KCNIP4: variants seen among roughly 807,000 people sequenced by gnomAD.
KCNIP4 encodes potassium voltage-gated channel interacting protein 4.
Under a neutral mutation model 34.0 loss-of-function variants are expected in KCNIP4, and 12 were observed. The ratio of observed to expected loss-of-function variants is 0.35; its 90% CI spans 0.23 to 0.57. The LOEUF is 0.57. Ranked by LOEUF, KCNIP4 falls within the 20% of genes least tolerant of loss-of-function variation. The probability of loss-of-function intolerance (pLI) is 0.83; values close to 1 mark genes in which losing one functional copy is unlikely to be tolerated. For synonymous variants in KCNIP4, 124 were observed against 102.2 expected (o/e 1.21, Z -1.29); for missense variants, 238 against 311.7 (o/e 0.76, Z 1.78).
At chr4:20,995,872 A>G (rs975401766) in intron 1 of KCNIP4, among the ~76,000 whole-genome samples, 1 of 152,206 alleles carries the variant, frequency 6.6e-6, no homozygotes, top group Non-Finnish European at 1.5e-5. Flanking sequence ...AGCCCAGAAG[A>G]AAAGGGAAGG....
intron 1 of KCNIP4, among the ~76,000 whole-genome samples, chr4:21,240,664 C>T (rs1759741857): frequency 1.3e-5 from 2 of 152,030 alleles, no homozygotes; most frequent in South Asian, 4.1e-4. Context: ...AGAAGGCTTC[C>T]TGGCTTCCAT....
chr4:21,736,487 T>C (rs1254126412), intron 1 of KCNIP4, among the ~76,000 whole-genome samples: 3 of 152,226 alleles, frequency 2.0e-5, no homozygotes, highest in Non-Finnish European at 2.9e-5. Context: ...TTTCCTCAGA[T>C]ATTTGTGTCC....
chr4:21,202,852 C>T (rs1577881495), intron 1 of KCNIP4, among the ~76,000 whole-genome samples: 1 of 152,138 alleles, frequency 6.6e-6, no homozygotes, highest in Non-Finnish European at 1.5e-5. Flanking sequence ...TCTACAAGGG[C>T]TACTAGGCCC....
At chr4:21,696,656 A>C (rs1712348733) in intron 1 of KCNIP4, among the ~76,000 whole-genome samples, 1 of 152,184 alleles carries the variant, frequency 6.6e-6, no homozygotes, top group Admixed American at 6.5e-5. Context: ...TTTCATGAGC[A>C]ACAAAACTGT....
At position 20,729,965 on chromosome 4, in the gene KCNIP4, T is replaced by A; in HGVS notation, c.*117A>T. 8.3e-7 allele frequency: 1 copy of A among 1,207,460 alleles called. No homozygotes were observed. Among genetic ancestry groups the A allele is most frequent in the Non-Finnish European group, 1.1e-6 (1 of 894,420 alleles). The allele number at this position is 1,207,460 out of a possible 1,614,324, so 74.8% of individuals were successfully genotyped here. A position where few individuals can be genotyped will look rare whatever the true frequency, so the allele number is the denominator to read the frequency against. On this transcript the variant is annotated 3_prime_UTR_variant, in exon 9 of 9. Coordinates refer to ENST00000382152, the MANE Select transcript of KCNIP4 (RefSeq NM_025221.6). ...TGCTTTATATTAAAACAAAGCTTGTTTGCATAATATGCTTCAGTGTCAAGC... is the reference window on the plus strand; with the variant it reads ...TGCTTTATATTAAAACAAAGCTTGTATGCATAATATGCTTCAGTGTCAAGC...
intron 1 of KCNIP4, among the ~76,000 whole-genome samples, chr4:21,126,929 CT>C (rs1750668652): frequency 6.6e-6 from 1 of 152,150 alleles, no homozygotes; most frequent in African/African-American, 2.4e-5. Flanking sequence ...GGTATCTAGG[CT>C]TTTACATGGG....
chr4:21,195,993 T>C (rs965446582), intron 1 of KCNIP4, among the ~76,000 whole-genome samples: 1 of 152,246 alleles, frequency 6.6e-6, no homozygotes, highest in African/African-American at 2.4e-5. Flanking sequence ...GCTTCTCTTT[T>C]TGTTTTTCAT....
At chr4:21,018,635 C>T (rs534627584) in intron 1 of KCNIP4, among the ~76,000 whole-genome samples, 5 of 152,208 alleles carry the variant, frequency 3.3e-5, no homozygotes, top group Admixed American at 6.5e-5. Context: ...AGATCACTTC[C>T]ACCAACTTCC....
At chr4:21,127,148 A>G (rs925050695) in intron 1 of KCNIP4, among the ~76,000 whole-genome samples, 24 of 152,270 alleles carry the variant, frequency 1.6e-4, no homozygotes, top group African/African-American at 5.3e-4. Flanking sequence ...ACTCAAGAAG[A>G]TCCCCTCTAA....
chr4:21,333,599 G>A lies in KCNIP4; in HGVS notation c.62-450890C>T, dbSNP rs373339560. Among the ~76,000 whole-genome samples the A allele has an allele frequency of 3.2e-4, 48 of 151,130 alleles. No homozygotes were observed. The East Asian group carries it at 7.0e-3, about 22-fold the overall frequency. ...TAATCCCAGTCTTTTGTATTTTTTC[G>A]TTCTATACTCCCAAAGCCATAATTT... On this transcript the variant is annotated intron_variant, in intron 1 of 8. Transcript: ENST00000382152.
chr4:21,152,053 GA>G (rs1433238903), intron 1 of KCNIP4, among the ~76,000 whole-genome samples: 2 of 152,230 alleles, frequency 1.3e-5, no homozygotes, highest in Admixed American at 1.3e-4. Flanking sequence ...AGCAGTTCGA[GA>G]CCAGCCTGAC....
rs570632436 is a variant in KCNIP4 at position 21,588,188 on chromosome 4, T to A, written c.61+360383A>T. Among the ~76,000 whole-genome samples, 73 of 152,192 alleles carry A rather than the reference T, an allele frequency of 4.8e-4. 2 individuals are homozygous for A. The South Asian group carries it at 0.015, about 31-fold the overall frequency. ...ATAACTACCAACATTATTTTTCTTT[T>A]AAGATATAAAATAAAATAAATCTAT... On this transcript the variant is annotated intron_variant, in intron 1 of 8. Transcript: ENST00000382152.
intron 1 of KCNIP4, among the ~76,000 whole-genome samples, chr4:21,757,392 C>G (rs922022315): frequency 6.6e-6 from 1 of 152,088 alleles, no homozygotes; most frequent in Admixed American, 6.5e-5. Context: ...CGTAAGCTCA[C>G]ATGTGGGTTT....
chr4:21,257,268 A>G (rs984391521), intron 1 of KCNIP4, among the ~76,000 whole-genome samples: 2 of 152,140 alleles, frequency 1.3e-5, no homozygotes, highest in African/African-American at 4.8e-5. Context: ...ACACTTCTAT[A>G]CACATGTCTG....
rs1294454651 is a variant in KCNIP4, at chr4:21,632,320, C to T, written c.61+316251G>A. Among the ~76,000 whole-genome samples, 5 of 152,058 alleles carry T rather than the reference C, an allele frequency of 3.3e-5. No homozygotes were observed. The East Asian group carries it at 9.7e-4, about 29-fold the overall frequency. On this transcript the variant is annotated intron_variant, in intron 1 of 8. Transcript: ENST00000382152. ...CCTCTGCCTCCCGGGTTCAAGGGAT[C>T]CTCCTTCCTCAGCCTCCTGAGTACC...
chr4:21,276,451 T>C (rs1410309367), intron 1 of KCNIP4, among the ~76,000 whole-genome samples: 1 of 150,190 alleles, frequency 6.7e-6, no homozygotes, highest in Non-Finnish European at 1.5e-5. Context: ...GTGATCCACC[T>C]GCCTCAGCCT....
At chr4:21,788,580 G>A (rs1357021527) in intron 1 of KCNIP4, among the ~76,000 whole-genome samples, 1 of 152,148 alleles carries the variant, frequency 6.6e-6, no homozygotes, top group East Asian at 1.9e-4. Flanking sequence ...GATCCAAAGG[G>A]TAGCGGGCTA....
chr4:21,890,395 CT>C (rs1437156541), intron 1 of KCNIP4, among the ~76,000 whole-genome samples: 2 of 152,104 alleles, frequency 1.3e-5, no homozygotes, highest in Non-Finnish European at 2.9e-5. Context: ...CCTTGAATCC[CT>C]TAAGTGTGAT....
intron 1 of KCNIP4, among the ~76,000 whole-genome samples, chr4:21,417,421 T>A (rs1227865333): frequency 2.0e-5 from 3 of 151,970 alleles, no homozygotes; most frequent in Admixed American, 2.0e-4. Context: ...TAAAAAAACA[T>A]CAAGAGGAAA....
Sources: gnomAD v4.1 joint callset for allele counts (sites outside exome capture counted in the v4.1 genomes callset) on GRCh38, gnomAD v4.1.1 for gene constraint, MANE v1.5 for transcripts, NCBI Gene and HGNC (gene_info 2026-07-23, HGNC 2026-07-21) for gene names.